The following DIAPH3 variants were observed in gnomAD, a reference collection of about 807,000 sequenced individuals.
The protein encoded by DIAPH3 is diaphanous related formin 3.
In DIAPH3, 117 loss-of-function variants were observed where a neutral mutation model predicts 144.3. That is an observed-to-expected ratio of 0.81 (90% confidence interval 0.70 to 0.95). The LOEUF (loss-of-function observed/expected upper bound fraction) is 0.95, where lower values mean the gene tolerates loss of function less well. DIAPH3 is among the 40% of genes least tolerant of loss of function. The pLI is 0.00. For synonymous variants in DIAPH3, 519 were observed against 488.9 expected (o/e 1.06, Z -0.81); for missense variants, 1,421 against 1,412.7 (o/e 1.01, Z -0.09).
At chr13:59,802,593 T>C (rs2039966189) in intron 25 of DIAPH3, among the ~76,000 whole-genome samples, 1 of 147,094 alleles carries the variant, frequency 6.8e-6, no homozygotes, top group African/African-American at 2.5e-5. Context: ...CATGGTTTTT[T>C]TTTAATCTGT....
At chr13:59,889,110 A>G (rs1230800935) in intron 20 of DIAPH3, among the ~76,000 whole-genome samples, 1 of 151,518 alleles carries the variant, frequency 6.6e-6, no homozygotes, top group Non-Finnish European at 1.5e-5. Flanking sequence ...TATTTTTCCT[A>G]GTTGGGATCT....
chr13:59,715,530 G>C (rs831708), intron 27 of DIAPH3, among the ~76,000 whole-genome samples: 111,382 of 151,568 alleles, frequency 0.73, 41,224 homozygotes, highest in East Asian at 0.88. Flanking sequence ...TTCAATATTA[G>C]AACTTGTAAG....
chr13:60,047,903 C>A lies in DIAPH3; in HGVS notation c.496-5083G>T, dbSNP rs527342200. ...GTCTGAGATTTCAACTGTATAGAGT[C>A]TGAGATTTCAACTTACAAGCTAAGT... On this transcript the variant is annotated intron_variant, in intron 4 of 27. Coordinates refer to ENST00000400324, the MANE Select transcript of DIAPH3 (RefSeq NM_001042517.2). Among the ~76,000 whole-genome samples the A allele has an allele frequency of 9.2e-5, 14 of 152,302 alleles. No homozygotes were observed. The South Asian group carries it at 1.0e-3, about 11-fold the overall frequency.
intron 17 of DIAPH3, among the ~76,000 whole-genome samples, chr13:59,935,778 A>T (rs2048235905): frequency 6.6e-6 from 1 of 152,196 alleles, no homozygotes; most frequent in African/African-American, 2.4e-5. Flanking sequence ...CTATTTTTCT[A>T]TTCAAATACT....
intron 1 of DIAPH3, among the ~76,000 whole-genome samples, chr13:60,162,485 A>G (rs1447976041): frequency 6.6e-6 from 1 of 152,162 alleles, no homozygotes; most frequent in African/African-American, 2.4e-5. Context: ...CAAGATAATG[A>G]TCAAGTCCAT....
chr13:59,700,675 G>C (rs1403364590), intron 27 of DIAPH3, among the ~76,000 whole-genome samples: 1 of 152,074 alleles, frequency 6.6e-6, no homozygotes, highest in African/African-American at 2.4e-5. Flanking sequence ...CCAGTTGATG[G>C]GGGGAAGTTG....
intron 18 of DIAPH3, among the ~76,000 whole-genome samples, chr13:59,922,035 T>C (rs1019313918): frequency 2.0e-5 from 3 of 151,994 alleles, no homozygotes; most frequent in Non-Finnish European, 4.4e-5. Flanking sequence ...ACAAATTAGG[T>C]ATAGAAGAAA....
chr13:59,762,053 T>G lies in DIAPH3; in HGVS notation c.3319+12136A>C, dbSNP rs916618084. On this transcript the variant is annotated intron_variant, in intron 27 of 27. Transcript: ENST00000400324. The stretch of plus-strand genomic sequence containing the variant: ...CACCCAAGATGAAAGCGTCAGCATC[T>G]TTTTTTTTTTTTTTTTTTTTTTTTT... Among the ~76,000 whole-genome samples the G allele has an allele frequency of 6.7e-3, 106 of 15,870 alleles. 1 individual carries two copies. The South Asian group carries it at 0.22, about 32-fold the overall frequency. 10.4% of individuals were successfully genotyped at this position (15,870 alleles called of 152,430 possible).
chr13:59,988,803 A>AT (rs2051607227), intron 12 of DIAPH3, among the ~76,000 whole-genome samples: 1 of 151,794 alleles, frequency 6.6e-6, no homozygotes, highest in African/African-American at 2.4e-5. Flanking sequence ...CTAGCGTGGT[A>AT]TTTTACACAT....
intron 27 of DIAPH3, among the ~76,000 whole-genome samples, chr13:59,751,407 T>C (rs1381264371): frequency 6.6e-6 from 1 of 152,224 alleles, no homozygotes; most frequent in Non-Finnish European, 1.5e-5. Flanking sequence ...ATCCATTCCT[T>C]TAAAATTCCA....
intron 27 of DIAPH3, among the ~76,000 whole-genome samples, chr13:59,685,720 G>C (rs945293394): frequency 1.3e-5 from 2 of 152,102 alleles, no homozygotes; most frequent in Non-Finnish European, 2.9e-5. Flanking sequence ...GATAAATAGA[G>C]ATGGAAAAGT....
intron 27 of DIAPH3, among the ~76,000 whole-genome samples, chr13:59,759,675 T>C (rs767257419): frequency 2.0e-5 from 3 of 151,882 alleles, no homozygotes; most frequent in East Asian, 3.9e-4. Context: ...GTTTAAAAAG[T>C]GATGAAAGTG....
intron 25 of DIAPH3, among the ~76,000 whole-genome samples, chr13:59,798,320 C>G (rs911819867): frequency 6.6e-6 from 1 of 152,170 alleles, no homozygotes; most frequent in Non-Finnish European, 1.5e-5. Context: ...CTGTTTAATG[C>G]CCTTGAAATG....
chr13:59,997,548 T>C (rs2052279597), intron 9 of DIAPH3, among the ~76,000 whole-genome samples: 1 of 152,110 alleles, frequency 6.6e-6, no homozygotes, highest in Admixed American at 6.6e-5. Context: ...TTTATTTTCT[T>C]TTGGGTGGAT....
At chr13:60,119,942 A>G (rs1327046737) in intron 2 of DIAPH3, among the ~76,000 whole-genome samples, 7 of 152,098 alleles carry the variant, frequency 4.6e-5, no homozygotes, top group Non-Finnish European at 7.4e-5. Flanking sequence ...AGCAATTACT[A>G]GATGATAAAA....
intron 20 of DIAPH3, among the ~76,000 whole-genome samples, chr13:59,880,169 A>T (rs2044917490): frequency 6.6e-6 from 1 of 152,116 alleles, no homozygotes. Flanking sequence ...GGGGGACTGG[A>T]GGTGTCTAAA....
intron 27 of DIAPH3, among the ~76,000 whole-genome samples, chr13:59,692,469 G>A (rs1202647799): frequency 1.4e-5 from 2 of 146,000 alleles, no homozygotes; most frequent in African/African-American, 5.1e-5. Context: ...GGAATTCTTG[G>A]TAAGGCTCAC....
intron 20 of DIAPH3, among the ~76,000 whole-genome samples, chr13:59,882,585 A>G (rs2045140417): frequency 1.3e-5 from 2 of 152,312 alleles, no homozygotes; most frequent in South Asian, 4.1e-4. Context: ...TGACTTGTCT[A>G]AGACTAAGTG....
chr13:59,763,654 C>T (rs1272166484), intron 27 of DIAPH3, among the ~76,000 whole-genome samples: 2 of 152,142 alleles, frequency 1.3e-5, no homozygotes, highest in Non-Finnish European at 2.9e-5. Context: ...ACTGCACTTC[C>T]GCCTAGGCAA....
Sources: allele counts gnomAD v4.1 joint callset (sites outside exome capture counted in the v4.1 genomes callset), GRCh38; gene constraint gnomAD v4.1.1; transcripts MANE v1.5; gene names NCBI Gene and HGNC (gene_info 2026-07-23, HGNC 2026-07-21).